The following NRG1 variants were observed in gnomAD, a reference collection of about 807,000 sequenced individuals.
The protein encoded by NRG1 is neuregulin 1, also known as pro-neuregulin-1, membrane-bound isoform.
In NRG1, 18 loss-of-function variants were observed where a neutral mutation model predicts 63.8. The ratio of observed to expected loss-of-function variants is 0.28; its 90% confidence interval spans 0.19 to 0.42. The LOEUF (loss-of-function observed/expected upper bound fraction) is 0.42. NRG1 is among the 10% of genes least tolerant of loss of function. The pLI is 1.00. For synonymous variants in NRG1, 302 were observed against 301.3 expected, an observed-to-expected ratio of 1.00 and a Z score of -0.02; for missense variants, 762 against 814.7, an observed-to-expected ratio of 0.94 and a Z score of 0.79.
intron 1 of NRG1, among the ~76,000 whole-genome samples, chr8:32,516,838 C>T (rs557328147): frequency 6.6e-6 from 1 of 152,162 alleles, no homozygotes; most frequent in South Asian, 2.1e-4. Flanking sequence ...GTAAGAGTGT[C>T]AAATTATTAC....
At chr8:31,813,265 T>C (rs1048776043) in intron 1 of NRG1, among the ~76,000 whole-genome samples, 1 of 152,154 alleles carries the variant, frequency 6.6e-6, no homozygotes, top group African/African-American at 2.4e-5. Flanking sequence ...TTAAAATATT[T>C]TTTTCAATTT....
At chr8:32,464,178 G>C (rs546741885) in intron 1 of NRG1, among the ~76,000 whole-genome samples, 1 of 151,918 alleles carries the variant, frequency 6.6e-6, no homozygotes, top group African/African-American at 2.4e-5. Context: ...ACAGGCGTGA[G>C]CCATCACGCC....
chr8:32,465,517 G>C (rs147730026), intron 1 of NRG1, among the ~76,000 whole-genome samples: 1 of 152,206 alleles, frequency 6.6e-6, no homozygotes. Context: ...AATAGTGAGA[G>C]TCCTAAAGTC....
chr8:32,415,707 C>A (rs1005183235), intron 1 of NRG1, among the ~76,000 whole-genome samples: 1 of 152,116 alleles, frequency 6.6e-6, no homozygotes, highest in African/African-American at 2.4e-5. Context: ...CACTTCATTC[C>A]CCCTTTTTCC....
intron 1 of NRG1, among the ~76,000 whole-genome samples, chr8:32,406,543 A>T (rs1814015376): frequency 1.5e-5 from 2 of 130,580 alleles, no homozygotes; most frequent in African/African-American, 5.7e-5. Flanking sequence ...TCTGTGCACT[A>T]GTTTATATAT....
chr8:32,119,599 A>G (rs968632480), intron 1 of NRG1, among the ~76,000 whole-genome samples: 1 of 152,092 alleles, frequency 6.6e-6, no homozygotes, highest in Non-Finnish European at 1.5e-5. Flanking sequence ...AGTAAATGCA[A>G]TGTGAGAAGA....
chr8:32,123,085 G>C (rs531455453), intron 1 of NRG1, among the ~76,000 whole-genome samples: 1 of 151,982 alleles, frequency 6.6e-6, no homozygotes, highest in African/African-American at 2.4e-5. Flanking sequence ...GTCCCCATGA[G>C]AATGCACCTG....
chr8:32,143,243 T>TGG (rs201703389), intron 1 of NRG1, among the ~76,000 whole-genome samples: 2 of 151,018 alleles, frequency 1.3e-5, no homozygotes, highest in Non-Finnish European at 1.5e-5. Context: ...GCTTTTTTTT[T>TGG]GGGGGGGGAA....
exon 11 of NRG1, chr8:32,760,387 G>C (rs1830478266): frequency 6.2e-7 from 1 of 1,613,758 alleles, no homozygotes; most frequent in Admixed American, 1.7e-5. Flanking sequence ...TTCCTACCGA[G>C]ACTCTCCTCA....
intron 1 of NRG1, among the ~76,000 whole-genome samples, chr8:31,792,099 G>T (rs1820772206): frequency 6.6e-6 from 1 of 152,092 alleles, no homozygotes; most frequent in South Asian, 2.1e-4. Context: ...CTAGTTACAT[G>T]ACCTTTTTCA....
rs866532907 is a variant in NRG1 at position 31,849,743 on chromosome 8, T to C, written c.37+210312T>C. 5.2e-4 allele frequency among the ~76,000 whole-genome samples: 79 copies of C among 152,232 alleles called. 1 individual carries two copies. The highest frequency in any genetic ancestry group is 1.7e-3 in the African/African-American group (69 of 41,530). ...TGTGCTTTCATGAATGTGTTACTGG[T>C]GATGAAGAATGCCAATTCTTTGTTT... is the stretch of plus-strand genomic sequence containing the variant. On this transcript the variant is annotated intron_variant, in intron 1 of 10. Transcript: ENST00000519301.
chr8:31,928,438 G>C (rs1449725495), intron 1 of NRG1, among the ~76,000 whole-genome samples: 2 of 151,202 alleles, frequency 1.3e-5, no homozygotes, highest in African/African-American at 2.5e-5. Context: ...AAACAATATG[G>C]GGATTTCTCA....
chr8:32,092,804 C>T (rs1829373820), intron 1 of NRG1, among the ~76,000 whole-genome samples: 1 of 152,114 alleles, frequency 6.6e-6, no homozygotes, highest in African/African-American at 2.4e-5. Context: ...TGTCCCAGTG[C>T]ACCATGCATT....
chr8:31,736,128 T>C (rs192806560), intron 1 of NRG1, among the ~76,000 whole-genome samples: 1 of 152,226 alleles, frequency 6.6e-6, no homozygotes, highest in East Asian at 1.9e-4. Context: ...TATCATCTGG[T>C]CTATTAATGC....
intron 1 of NRG1, among the ~76,000 whole-genome samples, chr8:32,122,944 G>A (rs974766528): frequency 4.6e-5 from 7 of 151,924 alleles, no homozygotes; most frequent in African/African-American, 1.7e-4. Context: ...TCCCTACAAA[G>A]GACATAAGGA....
chr8:32,348,465 A>G (rs1805185584), intron 1 of NRG1, among the ~76,000 whole-genome samples: 1 of 152,178 alleles, frequency 6.6e-6, no homozygotes, highest in African/African-American at 2.4e-5. Flanking sequence ...TTCAGTCAAA[A>G]TGTTAGCAGA....
At chr8:32,410,328 A>G (rs1006205008) in intron 1 of NRG1, among the ~76,000 whole-genome samples, 2 of 151,634 alleles carry the variant, frequency 1.3e-5, no homozygotes, top group East Asian at 1.9e-4. Context: ...CTACAGGTAC[A>G]TGCCACCATG....
chr8:32,422,491 T>C (rs1022300971), intron 1 of NRG1, among the ~76,000 whole-genome samples: 4 of 152,232 alleles, frequency 2.6e-5, no homozygotes, highest in Non-Finnish European at 5.9e-5. Flanking sequence ...ATTTTTGCTC[T>C]CATAACAATG....
At chr8:31,966,971 T>G (rs759187961) in intron 1 of NRG1, among the ~76,000 whole-genome samples, 3 of 152,188 alleles carry the variant, frequency 2.0e-5, no homozygotes, top group Non-Finnish European at 4.4e-5. Flanking sequence ...GGCTTTTGAC[T>G]GCTTTTTATG....
Sources: gnomAD v4.1 joint callset for allele counts (sites outside exome capture counted in the v4.1 genomes callset) on GRCh38, gnomAD v4.1.1 for gene constraint, MANE v1.5 for transcripts, NCBI Gene and HGNC (gene_info 2026-07-23, HGNC 2026-07-21) for gene names.